Variants in SEMA3E observed in about 807,000 individuals in gnomAD.
The protein encoded by SEMA3E is semaphorin-3E.
A neutral mutation model predicts 93.6 loss-of-function variants in SEMA3E; 49 were observed. The ratio of observed to expected loss-of-function variants is 0.52; its 90% CI spans 0.42 to 0.66. The LOEUF is 0.66. Ranked by LOEUF, SEMA3E falls within the 30% of genes least tolerant of loss-of-function variation. The pLI is 0.00. For synonymous variants in SEMA3E, 363 were observed against 330.7 expected (o/e 1.10, Z -1.06); for missense variants, 906 against 964.8 (o/e 0.94, Z 0.81).
At position 83,490,228 on chromosome 7, in the gene SEMA3E, T is replaced by C; in HGVS notation, c.162A>G (p.Gly54=). The C allele has an allele frequency of 6.2e-7, 1 of 1,612,908 alleles. No individual in the cohort carries two copies. Among genetic ancestry groups the C allele is most frequent in the Non-Finnish European group, 8.5e-7 (1 of 1,179,420 alleles). The change falls in exon 2 of 17, where the codon GGA becomes GGG. Residue 54 remains glycine, a synonymous_variant. Transcript: ENST00000643230. The part of the protein sequence containing the change: ...NRTSIFHSPF[G]FLDLHTMLLD... ...GCAGCATTGTATGGAGATCAAGAAA[T>C]CCAAAAGGGCTATGAAATATTGATG...
intron 1 of SEMA3E, among the ~76,000 whole-genome samples, chr7:83,548,861 C>A (rs1030663019): frequency 2.0e-5 from 3 of 152,052 alleles, no homozygotes; most frequent in African/African-American, 7.2e-5. Flanking sequence ...CCAATAAGGA[C>A]CTATCTTATT....
At chr7:83,386,633 C>T (rs139826194) in intron 15 of SEMA3E, among the ~76,000 whole-genome samples, 34 of 152,168 alleles carry the variant, frequency 2.2e-4, no homozygotes, top group Admixed American at 1.0e-3. Flanking sequence ...CCAGAAGGTA[C>T]GTAACATGGT....
chr7:83,372,043 A>G, intron 16 of SEMA3E: 1 of 378,824 alleles, frequency 2.6e-6, no homozygotes, highest in Non-Finnish European at 4.7e-6. Flanking sequence ...ATTCTTCTGA[A>G]TTATCCTATA....
intron 1 of SEMA3E, among the ~76,000 whole-genome samples, chr7:83,520,941 C>T (rs374380162): frequency 6.6e-6 from 1 of 152,176 alleles, no homozygotes; most frequent in Non-Finnish European, 1.5e-5. Context: ...CTTCTCTACA[C>T]GTATGGGGCA....
chr7:83,432,938 C>T (rs1788921929), intron 4 of SEMA3E, among the ~76,000 whole-genome samples: 1 of 152,028 alleles, frequency 6.6e-6, no homozygotes, highest in East Asian at 1.9e-4. Context: ...CCCAAGAAAA[C>T]AATAATATAT....
Position 83,592,147 on chromosome 7 carries a change from A to T in SEMA3E, c.115+56281T>A, listed in dbSNP as rs539110703. On this transcript the variant is annotated intron_variant, in intron 1 of 16. Coordinates refer to ENST00000643230, the MANE Select transcript of SEMA3E (RefSeq NM_012431.3). Reference sequence around the variant, plus strand: ...AAATTCTTTACCATAAGCTTTAGAAATACTGCATATAGTAACGGTTTTATT... The same window carrying T: ...AAATTCTTTACCATAAGCTTTAGAATTACTGCATATAGTAACGGTTTTATT... 1.2e-4 allele frequency among the ~76,000 whole-genome samples: 19 copies of T among 152,224 alleles called. No individual in the cohort carries two copies. The South Asian group carries it at 3.7e-3, about 30-fold the overall frequency.
chr7:83,411,568 AAAT>A (rs1395903556), intron 5 of SEMA3E, among the ~76,000 whole-genome samples: 39 of 152,172 alleles, frequency 2.6e-4, no homozygotes, highest in African/African-American at 7.9e-4. Context: ...AGTGAAAAAT[AAAT>A]AATAATATTA....
intron 16 of SEMA3E, among the ~76,000 whole-genome samples, chr7:83,380,494 C>A (rs1183300577): frequency 6.6e-6 from 1 of 151,786 alleles, no homozygotes. Flanking sequence ...TTTACATGTA[C>A]CATATTGTTT....
At chr7:83,497,438 G>A (rs191203585) in intron 1 of SEMA3E, among the ~76,000 whole-genome samples, 22 of 152,138 alleles carry the variant, frequency 1.4e-4, no homozygotes, top group East Asian at 5.8e-4. Context: ...AGTTAATTAC[G>A]TTATTCAATA....
chr7:83,535,058 G>C (rs115761453), intron 1 of SEMA3E, among the ~76,000 whole-genome samples: 1,666 of 152,206 alleles, frequency 0.011, 28 homozygotes, highest in African/African-American at 0.039. Flanking sequence ...TGTTTCTTGT[G>C]CATTTCCAGG....
chr7:83,594,974 C>T (rs1256624680), intron 1 of SEMA3E, among the ~76,000 whole-genome samples: 2 of 151,400 alleles, frequency 1.3e-5, no homozygotes, highest in Admixed American at 1.3e-4. Flanking sequence ...AAAAAGCTCC[C>T]TGTTTTTAAA....
intron 1 of SEMA3E, among the ~76,000 whole-genome samples, chr7:83,500,308 C>T (rs1347333973): frequency 2.0e-5 from 3 of 152,030 alleles, no homozygotes; most frequent in Non-Finnish European, 2.9e-5. Context: ...TCGTGGCAGG[C>T]ACCTGCAGTC....
At chr7:83,489,538 T>C (rs1288972147) in intron 2 of SEMA3E, among the ~76,000 whole-genome samples, 2 of 152,066 alleles carry the variant, frequency 1.3e-5, no homozygotes, top group Admixed American at 6.6e-5. Context: ...TTGTGTAAGA[T>C]TTATATGAGT....
chr7:83,533,522 C>T (rs950071886), intron 1 of SEMA3E, among the ~76,000 whole-genome samples: 11 of 151,374 alleles, frequency 7.3e-5, no homozygotes, highest in African/African-American at 1.5e-4. Flanking sequence ...ACGGCCTGGG[C>T]GACAGAGTGA....
intron 4 of SEMA3E, among the ~76,000 whole-genome samples, chr7:83,444,535 C>CAT (rs1408649660): frequency 3.3e-5 from 5 of 152,182 alleles, no homozygotes; most frequent in Admixed American, 2.6e-4. Context: ...ATTTTGGAGC[C>CAT]ATCCAACAGA....
At chr7:83,484,814 T>A (rs568111348) in intron 2 of SEMA3E, among the ~76,000 whole-genome samples, 3 of 152,126 alleles carry the variant, frequency 2.0e-5, no homozygotes, top group Non-Finnish European at 4.4e-5. Context: ...AAAATTATGA[T>A]CAAATAAAGC....
chr7:83,582,640 A>G (rs1199159494), intron 1 of SEMA3E, among the ~76,000 whole-genome samples: 2 of 152,158 alleles, frequency 1.3e-5, no homozygotes, highest in African/African-American at 4.8e-5. Flanking sequence ...ATATTTTATC[A>G]AAATAATTTA....
intron 1 of SEMA3E, among the ~76,000 whole-genome samples, chr7:83,568,330 A>G (rs1346750417): frequency 6.6e-6 from 1 of 152,124 alleles, no homozygotes; most frequent in East Asian, 1.9e-4. Context: ...TCCCTAAACT[A>G]TTCTGAAACA....
intron 4 of SEMA3E, among the ~76,000 whole-genome samples, chr7:83,451,001 G>A (rs528499250): frequency 0.058 from 8,797 of 152,080 alleles, 449 homozygotes; most frequent in African/African-American, 0.13. Flanking sequence ...GAGGAACCAG[G>A]TAGAGATAAT....
Sources: allele counts gnomAD v4.1 joint callset (sites outside exome capture counted in the v4.1 genomes callset), GRCh38; gene constraint gnomAD v4.1.1; transcripts MANE v1.5; gene names NCBI Gene and HGNC (gene_info 2026-07-23, HGNC 2026-07-21).